PBX1: variants seen among roughly 807,000 people sequenced by gnomAD.
PBX1 encodes the protein pre-B-cell leukemia transcription factor 1.
In PBX1, 6 loss-of-function variants were observed where a neutral mutation model predicts 53.4. That is an observed-to-expected ratio of 0.11 (90% CI 0.06 to 0.22). PBX1 has a LOEUF of 0.22. Among genes scored for constraint, PBX1 ranks in the 10% least tolerant of loss-of-function variants. The probability of loss-of-function intolerance (pLI) is 1.00; values close to 1 mark genes in which losing one functional copy is unlikely to be tolerated. For synonymous variants in PBX1, 204 were observed against 212.3 expected, an observed-to-expected ratio of 0.96 and a Z score of 0.34; for missense variants, 251 against 551.4, an observed-to-expected ratio of 0.46 and a Z score of 5.46.
At chr1:164,617,474 C>T (rs1031790637) in intron 2 of PBX1, among the ~76,000 whole-genome samples, 1 of 152,112 alleles carries the variant, frequency 6.6e-6, no homozygotes, top group Non-Finnish European at 1.5e-5. Context: ...TTGGTGTGCT[C>T]CTTGGAGCTG....
At chr1:164,867,541 T>C (rs576840496) in intron 2 of PBX1, among the ~76,000 whole-genome samples, 52 of 152,346 alleles carry the variant, frequency 3.4e-4, no homozygotes, top group Middle Eastern at 3.4e-3. Flanking sequence ...CTATCCAGTC[T>C]GTAAAGTTGA....
At chr1:164,655,094 A>ATG (rs1218619253) in intron 2 of PBX1, among the ~76,000 whole-genome samples, 97 of 65,832 alleles carry the variant, frequency 1.5e-3, no homozygotes, top group African/African-American at 3.9e-3. Context: ...CCAGTCTCTG[A>ATG]TGTGTGTTTT....
At chr1:164,599,407 A>G (rs1323878984) in intron 2 of PBX1, among the ~76,000 whole-genome samples, 2 of 152,012 alleles carry the variant, frequency 1.3e-5, no homozygotes, top group East Asian at 3.9e-4. Flanking sequence ...CAAATCTGCA[A>G]TTGTGGGCGC....
At chr1:164,788,759 C>T (rs368812789) in intron 2 of PBX1, among the ~76,000 whole-genome samples, 57 of 140,922 alleles carry the variant, frequency 4.0e-4, no homozygotes, top group South Asian at 5.2e-4. Context: ...CCCTCCCCCC[C>T]CCGCCCTTTT....
At chr1:164,870,337 CTT>C (rs1299403365) in intron 2 of PBX1, among the ~76,000 whole-genome samples, 1 of 106,186 alleles carries the variant, frequency 9.4e-6, no homozygotes, top group African/African-American at 4.1e-5. Flanking sequence ...TTCTTTCTTT[CTT>C]TCTTTCTTTC....
In PBX1 at chr1:164,849,807, G is replaced by C. The variant is rs894012230; in HGVS notation, c.*3131G>C. ...TCTTTTCTCACACATCTTTCTCTCT[G>C]TCTCTCTCTTTCCTGCTCTTTGTTT... On this transcript the variant is annotated 3_prime_UTR_variant, in exon 9 of 9. Coordinates refer to ENST00000420696, the MANE Select transcript of PBX1 (RefSeq NM_002585.4). The C allele has an allele frequency of 4.3e-6, 1 of 234,568 alleles. No individual in the cohort carries two copies. Among genetic ancestry groups the C allele is most frequent in the African/African-American group, 2.2e-5 (1 of 45,402 alleles). 14.5% of individuals were successfully genotyped at this position (234,568 alleles called of 1,614,324 possible).
At chr1:164,755,841 C>T (rs1212419094) in intron 2 of PBX1, among the ~76,000 whole-genome samples, 4 of 151,882 alleles carry the variant, frequency 2.6e-5, no homozygotes, top group Non-Finnish European at 5.9e-5. Flanking sequence ...CCCAGGGCGC[C>T]ATGTAACTCC....
At chr1:164,762,891 T>C (rs770560827) in intron 2 of PBX1, among the ~76,000 whole-genome samples, 5 of 152,226 alleles carry the variant, frequency 3.3e-5, no homozygotes, top group Non-Finnish European at 5.9e-5. Context: ...TGTCAATCAT[T>C]GACCTACTTT....
At chr1:164,839,142 C>A (rs1256503877) in intron 8 of PBX1, among the ~76,000 whole-genome samples, 1 of 152,170 alleles carries the variant, frequency 6.6e-6, no homozygotes, top group Non-Finnish European at 1.5e-5. Context: ...TTTCTGTTCA[C>A]CTTCAGGCTG....
Position 164,739,578 on chromosome 1 carries a change from T to A in PBX1, c.266-52916T>A, listed in dbSNP as rs1361648311. Among the ~76,000 whole-genome samples, 5 of 152,212 alleles carry A rather than the reference T, an allele frequency of 3.3e-5. No individual in the cohort carries two copies. In the East Asian group the frequency reaches 9.6e-4, roughly 29 times the overall value. On this transcript the variant is annotated intron_variant, in intron 2 of 8. Transcript: ENST00000420696. Reference sequence around the variant, plus strand: ...AAGAAATGAGCATTTTTCTTCCCCTTTCATTTCTAAAAGCAGATATGGCAA... The same window carrying A: ...AAGAAATGAGCATTTTTCTTCCCCTATCATTTCTAAAAGCAGATATGGCAA...
At chr1:164,623,735 C>T (rs1333637983) in intron 2 of PBX1, among the ~76,000 whole-genome samples, 2 of 152,232 alleles carry the variant, frequency 1.3e-5, no homozygotes, top group Non-Finnish European at 2.9e-5. Flanking sequence ...CCTGCAGAGC[C>T]TGCCTTGTGC....
At chr1:164,716,843 C>T (rs938375466) in intron 2 of PBX1, among the ~76,000 whole-genome samples, 2 of 152,172 alleles carry the variant, frequency 1.3e-5, no homozygotes, top group African/African-American at 4.8e-5. Flanking sequence ...ATTTGTTGAG[C>T]ACATCCTGGG....
chr1:164,638,734 C>A (rs190927936), intron 2 of PBX1, among the ~76,000 whole-genome samples: 1 of 152,214 alleles, frequency 6.6e-6, no homozygotes. Context: ...TGACCGTCAC[C>A]GTCACACATG....
intron 8 of PBX1, among the ~76,000 whole-genome samples, chr1:164,831,839 G>C (rs34019520): frequency 0.46 from 70,549 of 151,868 alleles, 16,621 homozygotes; most frequent in Middle Eastern, 0.54. Flanking sequence ...TCCCTCCCTT[G>C]CACCTCCTAT....
intron 2 of PBX1, among the ~76,000 whole-genome samples, chr1:164,672,642 A>G (rs1016981675): frequency 9.2e-5 from 14 of 152,166 alleles, no homozygotes; most frequent in African/African-American, 3.4e-4. Context: ...GCTAAATTGT[A>G]TTTATAAAAA....
intron 2 of PBX1, among the ~76,000 whole-genome samples, chr1:164,878,036 T>C (rs1336325631): frequency 1.4e-4 from 21 of 152,222 alleles, no homozygotes; most frequent in Non-Finnish European, 2.9e-5. Flanking sequence ...TATTTTGAGA[T>C]TCATCCAATG....
intron 2 of PBX1, among the ~76,000 whole-genome samples, chr1:164,779,902 C>T (rs767879405): frequency 6.6e-6 from 1 of 152,182 alleles, no homozygotes; most frequent in Admixed American, 6.5e-5. Flanking sequence ...AAGCCAGACA[C>T]CTCTTCAGAG....
At chr1:164,803,587 C>T (rs1157153274) in intron 4 of PBX1, among the ~76,000 whole-genome samples, 1 of 152,068 alleles carries the variant, frequency 6.6e-6, no homozygotes, top group Non-Finnish European at 1.5e-5. Flanking sequence ...TGAAAAGCCA[C>T]AGGAGCATGA....
chr1:164,597,988 G>A (rs1414595843), intron 2 of PBX1, among the ~76,000 whole-genome samples: 1 of 152,132 alleles, frequency 6.6e-6, no homozygotes, highest in Non-Finnish European at 1.5e-5. Flanking sequence ...TTGGCTTGTG[G>A]TTCTGGAGAA....
Sources: allele counts gnomAD v4.1 joint callset (sites outside exome capture counted in the v4.1 genomes callset), GRCh38; gene constraint gnomAD v4.1.1; transcripts MANE v1.5; gene names NCBI Gene and HGNC (gene_info 2026-07-23, HGNC 2026-07-21).